PDE4B: variants seen among roughly 807,000 people sequenced by gnomAD.
PDE4B encodes 3',5'-cyclic-AMP phosphodiesterase 4B.
In PDE4B, 20 loss-of-function variants were observed where a neutral mutation model predicts 82.2. That is an observed-to-expected ratio of 0.24 (90% CI 0.17 to 0.35). The LOEUF is 0.35. Among genes scored for constraint, PDE4B ranks in the 10% least tolerant of loss-of-function variants. PDE4B has a pLI of 1.00. For missense variants in PDE4B, 655 were observed against 907.2 expected (o/e 0.72, Z 3.57); for synonymous variants, 320 against 318.9 (o/e 1.00, Z -0.04).
rs1443838244 is a variant in PDE4B, at chr1:65,868,114, A to G, written c.-70-45131A>G. 2.0e-5 allele frequency among the ~76,000 whole-genome samples: 3 copies of G among 152,082 alleles called. No individual in the cohort carries two copies. In the South Asian group the frequency reaches 6.2e-4, roughly 31 times the overall value. On this transcript the variant is annotated intron_variant, in intron 1 of 16. Coordinates refer to ENST00000341517, the MANE Select transcript of PDE4B (RefSeq NM_002600.4). The stretch of plus-strand genomic sequence containing the variant: ...TCATTGCTAACTTTGACACCAATGA[A>G]CTCTACCTTGTAGAAACTTTCTAAT...
intron 1 of PDE4B, among the ~76,000 whole-genome samples, chr1:65,838,603 ATATG>A (rs1646171821): frequency 6.7e-6 from 1 of 148,686 alleles, no homozygotes; most frequent in African/African-American, 2.4e-5. Context: ...ATATGTATCT[ATATG>A]TATATGTGTA....
intron 1 of PDE4B, among the ~76,000 whole-genome samples, chr1:65,828,523 G>A (rs558295340): frequency 6.6e-6 from 1 of 152,282 alleles, no homozygotes; most frequent in Admixed American, 6.5e-5. Context: ...TGGGATTACA[G>A]GGGTGAGCCA....
chr1:66,027,927 G>A lies in PDE4B; in HGVS notation c.281+109092G>A, dbSNP rs374650002. ...TCACAGGTGGGTGTTGAGTATCTGCGACTTTTCCAGGCACATGGTGCAAGC... is the reference window on the plus strand; with the variant it reads ...TCACAGGTGGGTGTTGAGTATCTGCAACTTTTCCAGGCACATGGTGCAAGC... On this transcript the variant is annotated intron_variant, in intron 3 of 16. Transcript: ENST00000341517. 2.0e-4 allele frequency among the ~76,000 whole-genome samples: 30 copies of A among 152,270 alleles called. 2 individuals carry two copies. Among genetic ancestry groups the A allele is most frequent in the East Asian group, 1.2e-3 (6 of 5,180 alleles).
chr1:66,270,667 A>C (rs1413879137), intron 7 of PDE4B, among the ~76,000 whole-genome samples: 1 of 152,236 alleles, frequency 6.6e-6, no homozygotes, highest in Non-Finnish European at 1.5e-5. Flanking sequence ...TACATTAAGC[A>C]AGAACTGTCA....
intron 7 of PDE4B, among the ~76,000 whole-genome samples, chr1:66,281,443 T>G (rs1396548152): frequency 6.6e-6 from 1 of 151,994 alleles, no homozygotes; most frequent in African/African-American, 2.4e-5. Context: ...GAAAATGGAG[T>G]GGGTTTCTCT....
intron 8 of PDE4B, among the ~76,000 whole-genome samples, chr1:66,343,148 T>C (rs116148592): frequency 0.011 from 1,630 of 152,270 alleles, 38 homozygotes; most frequent in African/African-American, 0.037. Flanking sequence ...ATCATTTGTG[T>C]ATAAAAAGGA....
intron 6 of PDE4B, among the ~76,000 whole-genome samples, chr1:66,259,133 C>T (rs968698589): frequency 6.6e-6 from 1 of 152,110 alleles, no homozygotes; most frequent in African/African-American, 2.4e-5. Context: ...GGTAGAACTC[C>T]ATTTATTTAT....
At chr1:66,011,138 A>G (rs970665235) in intron 3 of PDE4B, among the ~76,000 whole-genome samples, 1 of 151,508 alleles carries the variant, frequency 6.6e-6, no homozygotes, top group Admixed American at 6.6e-5. Context: ...TTGCATGGAT[A>G]TACCAAAATG....
intron 3 of PDE4B, among the ~76,000 whole-genome samples, chr1:66,003,935 C>T (rs1281828614): frequency 1.3e-5 from 2 of 151,876 alleles, no homozygotes; most frequent in Admixed American, 6.6e-5. Context: ...ACCCATAAAA[C>T]AGTGTCTTTC....
chr1:65,794,513 G>T (rs1374079153), intron 1 of PDE4B, among the ~76,000 whole-genome samples: 1 of 152,156 alleles, frequency 6.6e-6, no homozygotes, highest in East Asian at 1.9e-4. Flanking sequence ...TTCACAAGAA[G>T]ATAGATAAGG....
chr1:65,871,539 A>G (rs576934423), intron 1 of PDE4B, among the ~76,000 whole-genome samples: 4 of 152,370 alleles, frequency 2.6e-5, no homozygotes, highest in African/African-American at 9.6e-5. Flanking sequence ...TATTGTTAGC[A>G]TTGATGTAAA....
intron 1 of PDE4B, among the ~76,000 whole-genome samples, chr1:65,801,981 A>G (rs1352289957): frequency 6.6e-6 from 1 of 152,242 alleles, no homozygotes; most frequent in African/African-American, 2.4e-5. Flanking sequence ...GCATATGACA[A>G]GGAATCTACA....
At chr1:66,199,682 G>T (rs1191608682) in intron 3 of PDE4B, among the ~76,000 whole-genome samples, 1 of 152,032 alleles carries the variant, frequency 6.6e-6, no homozygotes, top group African/African-American at 2.4e-5. Flanking sequence ...TCTAAATGAA[G>T]AAATCTAATT....
chr1:66,072,598 C>A (rs1184652971), intron 3 of PDE4B, among the ~76,000 whole-genome samples: 1 of 152,122 alleles, frequency 6.6e-6, no homozygotes, highest in East Asian at 1.9e-4. Context: ...TTTTGAGAAT[C>A]TTGGTGCCTA....
chr1:66,034,977 C>A (rs1442239509), intron 3 of PDE4B, among the ~76,000 whole-genome samples: 5 of 152,148 alleles, frequency 3.3e-5, no homozygotes, highest in Admixed American at 3.3e-4. Context: ...ATCTTATCTC[C>A]TTGCTCTCCC....
At chr1:66,332,352 G>C in intron 7 of PDE4B, 156 bp from the exon 8 acceptor site, 3 of 1,609,440 alleles carry the variant, frequency 1.9e-6, no homozygotes, top group Non-Finnish European at 2.5e-6. Flanking sequence ...TGTTCTCCTG[G>C]TGGAGAGAGC....
At chr1:66,328,635 C>A (rs1009648069) in intron 7 of PDE4B, among the ~76,000 whole-genome samples, 1 of 152,230 alleles carries the variant, frequency 6.6e-6, no homozygotes, top group Non-Finnish European at 1.5e-5. Context: ...CTGTCACCTG[C>A]CTGTCTCCCT....
chr1:65,890,953 T>G (rs191836686), intron 1 of PDE4B, among the ~76,000 whole-genome samples: 3 of 152,154 alleles, frequency 2.0e-5, no homozygotes, highest in Admixed American at 6.6e-5. Context: ...TTCCAACCTT[T>G]GTGATTCGCT....
intron 7 of PDE4B, among the ~76,000 whole-genome samples, chr1:66,298,638 C>T (rs1176557372): frequency 1.3e-5 from 2 of 152,170 alleles, no homozygotes; most frequent in East Asian, 3.9e-4. Flanking sequence ...CCACTAGCCA[C>T]CTACTCTCAG....
Sources: allele counts gnomAD v4.1 joint callset (sites outside exome capture counted in the v4.1 genomes callset), GRCh38; gene constraint gnomAD v4.1.1; transcripts MANE v1.5; gene names NCBI Gene and HGNC (gene_info 2026-07-23, HGNC 2026-07-21).